Variants in UBTD1 observed in about 807,000 individuals in gnomAD.
UBTD1 encodes ubiquitin domain containing 1.
In UBTD1, 19 loss-of-function variants were observed where a neutral mutation model predicts 21.7. That is an observed-to-expected ratio of 0.87 (90% confidence interval 0.61 to 1.28). The LOEUF (loss-of-function observed/expected upper bound fraction) is 1.28, where lower values mean the gene tolerates loss of function less well. Among genes scored for constraint, UBTD1 ranks in the 50% most tolerant of loss-of-function variants. The probability of loss-of-function intolerance (pLI) is 0.00; values close to 1 mark genes in which losing one functional copy is unlikely to be tolerated. For missense variants in UBTD1, 282 were observed against 315.1 expected (o/e 0.89, Z 0.80); for synonymous variants, 116 against 135.1 (o/e 0.86, Z 0.98).
intron 1 of UBTD1, among the ~76,000 whole-genome samples, chr10:97,514,523 G>C (rs570458465): frequency 6.6e-5 from 10 of 152,310 alleles, no homozygotes; most frequent in South Asian, 6.2e-4. Flanking sequence ...ATATAGCGGA[G>C]GACTAGCATC....
chr10:97,569,244 C>T (rs1302959244), intron 2 of UBTD1, among the ~76,000 whole-genome samples: 2 of 152,242 alleles, frequency 1.3e-5, no homozygotes, highest in African/African-American at 4.8e-5. Context: ...TATTAGGATT[C>T]AGTAAGATAC....
At chr10:97,535,756 T>A (rs68084394) in intron 1 of UBTD1, among the ~76,000 whole-genome samples, 94,136 of 150,566 alleles carry the variant, frequency 0.63, 30,279 homozygotes, top group Non-Finnish European at 0.73. Context: ...TCTCTACAAA[T>A]TTTTTTTTTT....
chr10:97,549,032 T>G (rs888914050), intron 1 of UBTD1, among the ~76,000 whole-genome samples: 6 of 152,228 alleles, frequency 3.9e-5, no homozygotes, highest in African/African-American at 1.2e-4. Context: ...CGTGAATGTG[T>G]ACGTTGTATG....
chr10:97,521,767 C>T (rs1263628695), intron 1 of UBTD1, among the ~76,000 whole-genome samples: 3 of 152,186 alleles, frequency 2.0e-5, no homozygotes, highest in Non-Finnish European at 4.4e-5. Context: ...GCCTGGCCCC[C>T]TTTGGAGTGG....
rs377568459 is a variant in UBTD1 at position 97,570,512 on chromosome 10, C to T, written c.673C>T (p.Pro225Ser). The T allele has an allele frequency of 1.3e-6, 2 of 1,598,594 alleles. No homozygotes were observed. Among genetic ancestry groups the T allele is most frequent in the Non-Finnish European group, 1.7e-6 (2 of 1,168,614 alleles). The change falls in exon 3 of 3, where the codon CCC (proline) becomes TCC (serine). Residue 225 changes from proline to serine, a missense_variant. Pro to Ser is a moderately conservative substitution (Grantham distance 74, BLOSUM62 -1). Transcript: ENST00000370664. This position sits in a 1 kb window ranked among gnomAD's most constrained non-coding sequence, Gnocchi z 6.6. ...GGTCATCATCAACCAGCCCCCACCA[C>T]CCCAGGACTGATGGGCCCACGGACC... ...IQVIINQPPP[P>S]QD
At chr10:97,545,760 C>T (rs1037741498) in intron 1 of UBTD1, among the ~76,000 whole-genome samples, 5 of 152,202 alleles carry the variant, frequency 3.3e-5, no homozygotes, top group African/African-American at 9.7e-5. Flanking sequence ...TCAGCACCTG[C>T]GTGTCTCTGT....
At chr10:97,549,058 A>G (rs2040624392) in intron 1 of UBTD1, among the ~76,000 whole-genome samples, 2 of 152,316 alleles carry the variant, frequency 1.3e-5, no homozygotes, top group South Asian at 4.1e-4. Flanking sequence ...CCATGAAAGC[A>G]CACCCTGTCT....
At chr10:97,559,602 A>G (rs1221863350) in intron 1 of UBTD1, among the ~76,000 whole-genome samples, 1 of 152,200 alleles carries the variant, frequency 6.6e-6, no homozygotes, top group Non-Finnish European at 1.5e-5. Context: ...TTAGTGTGTT[A>G]TTAATATTAA....
intron 1 of UBTD1, among the ~76,000 whole-genome samples, chr10:97,512,255 G>C (rs2040425865): frequency 6.6e-6 from 1 of 152,170 alleles, no homozygotes. Context: ...GAGAGCCAAG[G>C]GTCCAGGGGA....
Position 97,500,582 on chromosome 10 carries a change from C to A in UBTD1, c.70+1309C>A, listed in dbSNP as rs529582521. On this transcript the variant is annotated intron_variant, in intron 1 of 2. Transcript: ENST00000370664. ...TTTGTTCAACAAATATGTGTTCAGG[C>A]CCCATAATTGATTTTGCAGCATTTT... Among the ~76,000 whole-genome samples the A allele has an allele frequency of 1.8e-4, 27 of 152,278 alleles. 1 individual carries two copies. In the South Asian group the frequency reaches 5.2e-3, roughly 29 times the overall value.
rs2040406761 is a variant in UBTD1 at position 97,508,067 on chromosome 10, T to A, written c.70+8794T>A. ...GCTCACCTTTGCAGGGTGTTTGCCA[T>A]GTACTAGGAGCATCACGTGCAGTAT... On this transcript the variant is annotated intron_variant, in intron 1 of 2. Transcript: ENST00000370664. Among the ~76,000 whole-genome samples the A allele has an allele frequency of 2.6e-5, 4 of 152,192 alleles. No homozygotes were observed. In the South Asian group the frequency reaches 8.3e-4, roughly 32 times the overall value.
Position 97,570,676 on chromosome 10 carries a change from G to C in UBTD1, c.*153G>C. ...GGGACCCTGCCTTTCAGGGCACTAC[G>C]CGCCACCAGTTCCCGGTACCCAGGG... On this transcript the variant is annotated 3_prime_UTR_variant, in exon 3 of 3. Coordinates refer to ENST00000370664, the MANE Select transcript of UBTD1 (RefSeq NM_024954.5). This position sits in a 1 kb window ranked among gnomAD's most constrained non-coding sequence, Gnocchi z 6.6. 1.1e-6 allele frequency: 1 copy of C among 928,794 alleles called. No homozygotes were observed. The highest frequency in any genetic ancestry group is 1.6e-6 in the Non-Finnish European group (1 of 627,504). 57.5% of individuals were successfully genotyped at this position (928,794 alleles called of 1,614,324 possible). A position where few individuals can be genotyped will look rare whatever the true frequency, so the allele number is the denominator to read the frequency against.
At chr10:97,532,285 C>T (rs1321814198) in intron 1 of UBTD1, among the ~76,000 whole-genome samples, 1 of 152,226 alleles carries the variant, frequency 6.6e-6, no homozygotes, top group African/African-American at 2.4e-5. Context: ...CCATCTTCCT[C>T]CCAAAGCCTT....
intron 1 of UBTD1, among the ~76,000 whole-genome samples, chr10:97,528,802 G>A (rs1316015133): frequency 1.4e-5 from 2 of 140,188 alleles, no homozygotes; most frequent in African/African-American, 2.6e-5. Flanking sequence ...CGGACGGGGC[G>A]GCTGGCCGGG....
intron 1 of UBTD1, among the ~76,000 whole-genome samples, chr10:97,528,799 G>A (rs1170994036): frequency 7.7e-5 from 11 of 142,872 alleles, no homozygotes; most frequent in Admixed American, 6.1e-4. Flanking sequence ...TCCCGGACGG[G>A]GCGGCTGGCC....
chr10:97,563,611 A>ATC (rs1480567721), intron 1 of UBTD1, among the ~76,000 whole-genome samples: 1 of 152,176 alleles, frequency 6.6e-6, no homozygotes, highest in Admixed American at 6.5e-5. Flanking sequence ...AGCAAAGATC[A>ATC]TCTATCCACT....
chr10:97,527,965 C>T (rs2040497691), intron 1 of UBTD1, among the ~76,000 whole-genome samples: 1 of 152,138 alleles, frequency 6.6e-6, no homozygotes, highest in African/African-American at 2.4e-5. Context: ...CTGCTGGGTA[C>T]ACCTCCCAGA....
chr10:97,509,698 T>C (rs1275723021), intron 1 of UBTD1, among the ~76,000 whole-genome samples: 2 of 152,212 alleles, frequency 1.3e-5, no homozygotes, highest in Non-Finnish European at 2.9e-5. Flanking sequence ...TTGCTCAGGC[T>C]GGAGTGCAAT....
intron 1 of UBTD1, among the ~76,000 whole-genome samples, chr10:97,534,110 G>T (rs1160892631): frequency 6.6e-6 from 1 of 152,122 alleles, no homozygotes; most frequent in Non-Finnish European, 1.5e-5. Context: ...TAAGACAAAG[G>T]TCTGAGGACA....
Sources: allele counts gnomAD v4.1 joint callset (sites outside exome capture counted in the v4.1 genomes callset), GRCh38; gene constraint gnomAD v4.1.1; non-coding constraint Gnocchi (gnomAD v3.1); transcripts MANE v1.5; gene names NCBI Gene and HGNC (gene_info 2026-07-23, HGNC 2026-07-21).